Variants in C2orf72 observed in about 807,000 individuals in gnomAD.
C2orf72 encodes the protein chromosome 2 open reading frame 72.
In C2orf72, 16 loss-of-function variants were observed where a neutral mutation model predicts 14.4. The observed-to-expected ratio is 1.11, with a 90% CI of 0.75 to 1.69. The LOEUF (loss-of-function observed/expected upper bound fraction) is 1.69, where lower values mean the gene tolerates loss of function less well. C2orf72 is among the 40% of genes most tolerant of loss of function. C2orf72 has a pLI of 0.00. For synonymous variants in C2orf72, 168 were observed against 176.8 expected (o/e 0.95, Z 0.40); for missense variants, 371 against 358.3 (o/e 1.04, Z -0.29).
At position 231,047,309 on chromosome 2, in the gene C2orf72, C is replaced by T. The variant is rs370590183; in HGVS notation, c.*288C>T. On this transcript the variant is annotated 3_prime_UTR_variant, in exon 3 of 3. Transcript: ENST00000373640. ...TGAGCCACTGAGACAGATGGCTGTCCGCTTTGAGGCTCTGCAGAGCTGTGG... is the reference window on the plus strand; with the variant it reads ...TGAGCCACTGAGACAGATGGCTGTCTGCTTTGAGGCTCTGCAGAGCTGTGG... 220 of 475,704 alleles carry T rather than the reference C, an allele frequency of 4.6e-4. 3 individuals are homozygous for T. Among genetic ancestry groups the T allele is most frequent in the South Asian group, 3.5e-3 (190 of 54,096 alleles). 29.5% of individuals were successfully genotyped at this position (475,704 alleles called of 1,614,324 possible).
intron 1 of C2orf72, among the ~76,000 whole-genome samples, chr2:231,040,315 C>G (rs1300888540): frequency 2.0e-5 from 3 of 152,210 alleles, no homozygotes; most frequent in South Asian, 4.1e-4. Flanking sequence ...CATCTGCAGT[C>G]CCATTTCCTG....
In C2orf72 at chr2:231,041,424, ACCT is replaced by A. The variant is rs530285458; in HGVS notation, c.748+19_748+21del. The A allele has an allele frequency of 1.8e-3, 2,775 of 1,534,536 alleles. 5 individuals are homozygous for A. Among genetic ancestry groups the A allele is most frequent in the Non-Finnish European group, 2.3e-3 (2,575 of 1,132,652 alleles). On this transcript the variant is annotated intron_variant, in intron 2 of 2. Transcript: ENST00000373640. ...CTCAGCTCAGGGTGAGTGCTCCCCG[ACCT>A]CCTGCATCCTGAGGGCCAGGTGCAT...
At chr2:231,042,351 G>GT (rs764837395) in intron 2 of C2orf72, among the ~76,000 whole-genome samples, 1 of 152,178 alleles carries the variant, frequency 6.6e-6, no homozygotes, top group Non-Finnish European at 1.5e-5. Context: ...TATACACTGT[G>GT]TTTTTTACTG....
rs976262538 is a variant in C2orf72 at position 231,046,902 on chromosome 2, G to T, written c.769G>T (p.Glu257Ter). The T allele has an allele frequency of 6.4e-7, 1 of 1,551,392 alleles. No individual in the cohort carries two copies. The highest frequency in any genetic ancestry group is 8.7e-7 in the Non-Finnish European group (1 of 1,146,804). Residue 257 changes from glutamate (E) to a stop codon, truncating the protein, a stop_gained, in exon 3 of 3, where the codon GAG becomes TAG. Coordinates refer to ENST00000373640, the MANE Select transcript of C2orf72 (RefSeq NM_001144994.2). LOFTEE classifies it low-confidence loss of function (END_TRUNC). ...TCCAGAAGACTTCCAGGAACCTGAG[G>T]AGGAGCTGCCACTAACAGCCATATT... ...SAQEDFQEPEEELPLTAIFPN... is the reference protein window; with the variant it reads ...SAQEDFQEPE
chr2:231,042,832 C>CT (rs754940378), intron 2 of C2orf72, among the ~76,000 whole-genome samples: 1 of 152,140 alleles, frequency 6.6e-6, no homozygotes, highest in Non-Finnish European at 1.5e-5. Flanking sequence ...TGGTGAAACT[C>CT]TATCTCTACT....
At position 231,038,211 on chromosome 2, in the gene C2orf72, C is replaced by A. The variant is rs116101137; in HGVS notation, c.634+12C>A. The A allele has an allele frequency of 0.15, 181,877 of 1,182,658 alleles. 14,560 individuals are homozygous for A. Among genetic ancestry groups the A allele is most frequent in the Middle Eastern group, 0.22 (649 of 2,934 alleles). The allele number at this position is 1,182,658 out of a possible 1,614,324, so 73.3% of individuals were successfully genotyped here. On this transcript the variant is annotated intron_variant, in intron 1 of 2. Coordinates refer to ENST00000373640, the MANE Select transcript of C2orf72 (RefSeq NM_001144994.2). ...AGCCGGGCAACCAGGTGAGACTGCGCGGGGCCCGGCTGGGCGCGGGCGGGC... is the reference window on the plus strand; with the variant it reads ...AGCCGGGCAACCAGGTGAGACTGCGAGGGGCCCGGCTGGGCGCGGGCGGGC...
chr2:231,041,158 C>A, intron 1 of C2orf72, 138 bp from the exon 2 acceptor site: 1 of 585,658 alleles, frequency 1.7e-6, no homozygotes, highest in Non-Finnish European at 2.9e-6. Flanking sequence ...TTTTGCAAAT[C>A]AGACTCTGTG....
At chr2:231,044,962 T>TATATATATACACAC (rs985747494) in intron 2 of C2orf72, among the ~76,000 whole-genome samples, 40 of 146,428 alleles carry the variant, frequency 2.7e-4, no homozygotes, top group African/African-American at 9.7e-4. Flanking sequence ...TATATATATA[T>TATATATATACACAC]ACACACACAC....
At chr2:231,040,737 T>C (rs1194882818) in intron 1 of C2orf72, among the ~76,000 whole-genome samples, 2 of 152,248 alleles carry the variant, frequency 1.3e-5, no homozygotes, top group East Asian at 3.8e-4. Flanking sequence ...CAGCTGCCTT[T>C]GGGTTGAAAA....
rs1331745470 is a variant in C2orf72, at chr2:231,037,604, G to A, written c.39G>A (p.Ala13=). The change falls in exon 1 of 3, where the codon GCG becomes GCA. Residue 13 remains alanine (A), a synonymous_variant. Transcript: ENST00000373640. The stretch of plus-strand genomic sequence containing the variant: ...TGGAGGCGCTGGCGGCCCGGCTTGC[G>A]CGCCCTGCCGAGCCGCCCTTCCAGG... ...RELEALAARL[A]RPAEPPFQAL... is the part of the protein sequence containing the mutation. 9.3e-7 allele frequency: 1 copy of A among 1,081,006 alleles called. No individual in the cohort carries two copies. Among genetic ancestry groups the A allele is most frequent in the South Asian group, 2.7e-5 (1 of 37,082 alleles). 67.0% of individuals were successfully genotyped at this position (1,081,006 alleles called of 1,614,324 possible).
At position 231,047,525 on chromosome 2, in the gene C2orf72, G is replaced by A; in HGVS notation, c.*504G>A. The A allele has an allele frequency of 3.6e-6, 1 of 279,724 alleles. No homozygotes were observed. The highest frequency in any genetic ancestry group is 7.1e-6 in the Non-Finnish European group (1 of 140,082). 17.3% of individuals were successfully genotyped at this position (279,724 alleles called of 1,614,324 possible). A position where few individuals can be genotyped will look rare whatever the true frequency, so the allele number is the denominator to read the frequency against. On this transcript the variant is annotated 3_prime_UTR_variant, in exon 3 of 3. Transcript: ENST00000373640. ...CCAGCCCAGTGGCTTTAAACCAGGG[G>A]CAGGTTGTCCCTCCAGGCAGCATTG...
At chr2:231,039,514 A>C (rs903898223) in intron 1 of C2orf72, among the ~76,000 whole-genome samples, 4 of 151,858 alleles carry the variant, frequency 2.6e-5, no homozygotes, top group African/African-American at 9.7e-5. Context: ...TGGGGGGCGG[A>C]GGGTCCCAGC....
intron 2 of C2orf72, among the ~76,000 whole-genome samples, chr2:231,045,956 A>G (rs1693409879): frequency 6.6e-6 from 1 of 152,234 alleles, no homozygotes; most frequent in Non-Finnish European, 1.5e-5. Flanking sequence ...TGCCTTCCAC[A>G]GCAATAATTA....
chr2:231,037,857 G>GCGGCGC lies in C2orf72; in HGVS notation c.293_298dup (p.Ala99_Arg100insProAla). 2.0e-6 allele frequency: 2 copies of GCGGCGC among 979,364 alleles called. No individual in the cohort carries two copies. Among genetic ancestry groups the GCGGCGC allele is most frequent in the Non-Finnish European group, 2.4e-6 (2 of 827,610 alleles). 60.7% of individuals were successfully genotyped at this position (979,364 alleles called of 1,614,324 possible). On this transcript the variant is annotated inframe_insertion, in exon 1 of 3. Coordinates refer to ENST00000373640, the MANE Select transcript of C2orf72 (RefSeq NM_001144994.2). ...TGGGGCGGCGGGGGCGGCGGCGGCG[G>GCGGCGC]CGGCGCGCGCCATCCGCTCGCCGCT...
Position 231,037,565 on chromosome 2 carries a change from C to T in C2orf72, c.-1C>T. ...GCCGCAGAGGGCGGGCGGCGGCCAG[C>T]ATGGAGCGCGAGCTGGAGGCGCTGG... On this transcript the variant is annotated 5_prime_UTR_variant, in exon 1 of 3. Transcript: ENST00000373640. The T allele has an allele frequency of 9.7e-7, 1 of 1,031,030 alleles. No homozygotes were observed. Among genetic ancestry groups the T allele is most frequent in the Non-Finnish European group, 1.2e-6 (1 of 862,254 alleles). 63.9% of individuals were successfully genotyped at this position (1,031,030 alleles called of 1,614,324 possible).
intron 2 of C2orf72, among the ~76,000 whole-genome samples, chr2:231,044,657 C>A (rs1693386588): frequency 6.8e-6 from 1 of 146,280 alleles, no homozygotes; most frequent in East Asian, 2.0e-4. Context: ...TAGGCTTTTT[C>A]CTATTTTAAT....
rs181738372 is a variant in C2orf72, at chr2:231,041,422, C to T, written c.748+13C>T. The T allele has an allele frequency of 3.1e-5, 47 of 1,534,534 alleles. No individual in the cohort carries two copies. The highest frequency in any genetic ancestry group is 1.8e-4 in the Middle Eastern group (1 of 5,492). Reference sequence around the variant, plus strand: ...AGCTCAGCTCAGGGTGAGTGCTCCCCGACCTCCTGCATCCTGAGGGCCAGG... The same window carrying T: ...AGCTCAGCTCAGGGTGAGTGCTCCCTGACCTCCTGCATCCTGAGGGCCAGG... On this transcript the variant is annotated intron_variant, in intron 2 of 2. Transcript: ENST00000373640.
At position 231,049,612 on chromosome 2, in the gene C2orf72, C is replaced by G. The variant is rs1184509823; in HGVS notation, c.*2591C>G. 1 of 152,226 alleles carries G rather than the reference C, an allele frequency of 6.6e-6. No individual in the cohort carries two copies. Among genetic ancestry groups the G allele is most frequent in the African/African-American group, 2.4e-5 (1 of 41,444 alleles). The allele number at this position is 152,226 out of a possible 1,614,324, so 9.4% of individuals were successfully genotyped here. ...GGGTGACAGTCTGGGCTCTCGGGTA[C>G]TAATCTTTCTAATATGGCAGTGGTT... On this transcript the variant is annotated 3_prime_UTR_variant, in exon 3 of 3. Coordinates refer to ENST00000373640, the MANE Select transcript of C2orf72 (RefSeq NM_001144994.2).
chr2:231,042,917 C>T (rs1181851246), intron 2 of C2orf72, among the ~76,000 whole-genome samples: 1 of 152,212 alleles, frequency 6.6e-6, no homozygotes, highest in Non-Finnish European at 1.5e-5. Flanking sequence ...GGCAGAAGAA[C>T]TGCTTGGACC....
Sources: gnomAD v4.1 joint callset for allele counts (sites outside exome capture counted in the v4.1 genomes callset) on GRCh38, gnomAD v4.1.1 for gene constraint, MANE v1.5 for transcripts, NCBI Gene and HGNC (gene_info 2026-07-23, HGNC 2026-07-21) for gene names.